The following PIP5K1C variants were observed in gnomAD, a reference collection of about 807,000 sequenced individuals.
PIP5K1C encodes phosphatidylinositol-4-phosphate 5-kinase type 1 gamma, also known as phosphatidylinositol 4-phosphate 5-kinase type-1 gamma.
In PIP5K1C, 45 loss-of-function variants were observed where a neutral mutation model predicts 80.1. That is an observed-to-expected ratio of 0.56 (90% CI 0.44 to 0.72). The LOEUF (loss-of-function observed/expected upper bound fraction) is 0.72, where lower values mean the gene tolerates loss of function less well. Among genes scored for constraint, PIP5K1C ranks in the 30% least tolerant of loss-of-function variants. The probability of loss-of-function intolerance (pLI) is 0.00; values close to 1 mark genes in which losing one functional copy is unlikely to be tolerated. For missense variants in PIP5K1C, 753 were observed against 954.6 expected (o/e 0.79, Z 2.78); for synonymous variants, 498 against 420.1 (o/e 1.19, Z -2.27).
chr19:3,673,583 G>A (rs181382710), intron 1 of PIP5K1C, among the ~76,000 whole-genome samples: 5 of 152,352 alleles, frequency 3.3e-5, no homozygotes, highest in Non-Finnish European at 5.9e-5. Flanking sequence ...CCCCAGGACA[G>A]GTGCAGGCTC....
intron 1 of PIP5K1C, among the ~76,000 whole-genome samples, chr19:3,695,031 C>T (rs1435334209): frequency 3.9e-5 from 6 of 152,266 alleles, no homozygotes; most frequent in East Asian, 1.9e-4. Flanking sequence ...ATGGTGTGGC[C>T]GTTGCCAATA....
At chr19:3,643,836 A>C (rs1393549498) in intron 12 of PIP5K1C, among the ~76,000 whole-genome samples, 2 of 152,038 alleles carry the variant, frequency 1.3e-5, no homozygotes, top group African/African-American at 4.8e-5. Context: ...GGTGCACCTC[A>C]GATGACAGTG....
intron 5 of PIP5K1C, among the ~76,000 whole-genome samples, chr19:3,660,474 G>T (rs1221328659): frequency 6.6e-6 from 1 of 152,116 alleles, no homozygotes; most frequent in African/African-American, 2.4e-5. Flanking sequence ...CCCGGATAAT[G>T]GGCTGCTAGG....
At position 3,637,802 on chromosome 19, in the gene PIP5K1C, C is replaced by G; in HGVS notation, c.1920+1082G>C. On this transcript the variant is annotated intron_variant, in intron 16 of 17. Transcript: ENST00000335312. The surrounding 1 kb of genome is among the most constrained non-coding windows in gnomAD (Gnocchi z 7.0). Reference sequence around the variant, plus strand: ...AGGACCGAGGACCCTTCTCCCTTCTCTGCTGCCCACCTGGCAGGGCATCAG... The same window carrying G: ...AGGACCGAGGACCCTTCTCCCTTCTGTGCTGCCCACCTGGCAGGGCATCAG... The G allele has an allele frequency of 6.5e-7, 1 of 1,534,850 alleles. No homozygotes were observed. Among genetic ancestry groups the G allele is most frequent in the Non-Finnish European group, 8.7e-7 (1 of 1,146,656 alleles).
intron 5 of PIP5K1C, among the ~76,000 whole-genome samples, chr19:3,660,466 C>T (rs528626881): frequency 2.6e-4 from 39 of 152,150 alleles, no homozygotes; most frequent in African/African-American, 9.2e-4. Flanking sequence ...TTTAGGAGCC[C>T]GGATAATGGG....
chr19:3,667,495 T>A, intron 1 of PIP5K1C, 142 bp from the exon 2 acceptor site: 1 of 898,246 alleles, frequency 1.1e-6, no homozygotes, highest in Non-Finnish European at 1.8e-6. Context: ...TACACACAAG[T>A]GAAGACATGG....
chr19:3,651,531 C>T (rs952336635), intron 8 of PIP5K1C, among the ~76,000 whole-genome samples: 6 of 152,226 alleles, frequency 3.9e-5, no homozygotes, highest in Non-Finnish European at 5.9e-5. Flanking sequence ...CACCGGGAAA[C>T]GCTATCTCTC....
intron 16 of PIP5K1C, among the ~76,000 whole-genome samples, chr19:3,633,743 C>CG (rs902696202): frequency 6.6e-6 from 1 of 152,108 alleles, no homozygotes. Context: ...CGGGGCACGG[C>CG]GGGCGGCAGA....
chr19:3,675,707 C>A (rs988995197), intron 1 of PIP5K1C, among the ~76,000 whole-genome samples: 18 of 152,176 alleles, frequency 1.2e-4, no homozygotes, highest in African/African-American at 4.1e-4. Flanking sequence ...AGGCACCCCC[C>A]AAAGCCCATG....
rs767993210 is a variant in PIP5K1C at position 3,648,007 on chromosome 19, C to T, written c.1211+618G>A. ...CGAGCCCCAAAGTGAGGCCTCAAAC[C>T]CACTCCTTGGATTTTCTTTTTTCTT... On this transcript the variant is annotated intron_variant, in intron 9 of 17. Transcript: ENST00000335312. This position sits in a 1 kb window ranked among gnomAD's most constrained non-coding sequence, Gnocchi z 4.3. Among the ~76,000 whole-genome samples, 1 of 145,974 alleles carries T rather than the reference C, an allele frequency of 6.9e-6. No individual in the cohort carries two copies.
At chr19:3,687,535 A>G (rs528630614) in intron 1 of PIP5K1C, among the ~76,000 whole-genome samples, 86 of 126,960 alleles carry the variant, frequency 6.8e-4, no homozygotes, top group African/African-American at 2.6e-3. Context: ...GCACACGCAC[A>G]CACATACATG....
At chr19:3,671,685 G>A (rs909625302) in intron 1 of PIP5K1C, among the ~76,000 whole-genome samples, 7 of 152,196 alleles carry the variant, frequency 4.6e-5, no homozygotes, top group African/African-American at 1.4e-4. Context: ...GACCAGAGCC[G>A]AGTGTCCTGT....
At chr19:3,636,711 G>A (rs1054244274) in intron 16 of PIP5K1C, 6 of 986,294 alleles carry the variant, frequency 6.1e-6, no homozygotes, top group African/African-American at 1.7e-5. Context: ...CACAGTGCCT[G>A]GCACACAGAG....
chr19:3,658,366 G>A (rs1216361468), intron 5 of PIP5K1C, among the ~76,000 whole-genome samples: 3 of 152,224 alleles, frequency 2.0e-5, no homozygotes, highest in African/African-American at 7.2e-5. Flanking sequence ...AGGCTGGAGG[G>A]AGATCTGTCC....
intron 1 of PIP5K1C, among the ~76,000 whole-genome samples, chr19:3,672,414 G>A (rs1002664362): frequency 3.3e-5 from 5 of 152,236 alleles, no homozygotes; most frequent in African/African-American, 7.2e-5. Flanking sequence ...CCCTCAGGAC[G>A]GGGCCTGCCC....
rs1399041903 is a variant in PIP5K1C, at chr19:3,644,103, G to T, written c.1494C>A (p.Pro498=). 6.2e-7 allele frequency: 1 copy of T among 1,611,364 alleles called. No individual in the cohort carries two copies. Among genetic ancestry groups the T allele is most frequent in the Non-Finnish European group, 8.5e-7 (1 of 1,179,830 alleles). Residue 498 remains proline, a synonymous_variant, in exon 12 of 18, where the codon CCC becomes CCA. Coordinates refer to ENST00000335312, the MANE Select transcript of PIP5K1C (RefSeq NM_012398.3). Reference sequence around the variant, plus strand: ...GCCCCTCACCTTCGTCCTCCAGCGTGGGGTAGCTGCGGGCCCCCCGCAGGT... The same window carrying T: ...GCCCCTCACCTTCGTCCTCCAGCGTTGGGTAGCTGCGGGCCCCCCGCAGGT... ...QYDLRGARSY[P]TLEDEGRPDL...
intron 1 of PIP5K1C, among the ~76,000 whole-genome samples, chr19:3,691,333 T>C (rs1391282407): frequency 1.3e-5 from 2 of 152,162 alleles, no homozygotes; most frequent in African/African-American, 2.4e-5. Flanking sequence ...CTTGGGGGCC[T>C]CGCTAATCTG....
At chr19:3,661,765 G>T (rs2034839556) in intron 4 of PIP5K1C, 106 bp downstream of exon 4, 2 of 1,389,260 alleles carry the variant, frequency 1.4e-6, no homozygotes, top group Non-Finnish European at 2.0e-6. Context: ...GCGCCAGGAG[G>T]GGCCAGGTGC....
rs2034964023 is a variant in PIP5K1C, at chr19:3,665,020, G to C, written c.127-106C>G. 6 of 889,894 alleles carry C rather than the reference G, an allele frequency of 6.7e-6. No homozygotes were observed. In the South Asian group the frequency reaches 8.2e-5, roughly 12 times the overall value. 55.1% of individuals were successfully genotyped at this position (889,894 alleles called of 1,614,324 possible). ...AAAGGTTTAGTCGTTGGGCCCAGCAGGGGTGCACAGGGCAGGGGGCAGGTC... is the reference window on the plus strand; with the variant it reads ...AAAGGTTTAGTCGTTGGGCCCAGCACGGGTGCACAGGGCAGGGGGCAGGTC... On this transcript the variant is annotated intron_variant, in intron 2 of 17. Coordinates refer to ENST00000335312, the MANE Select transcript of PIP5K1C (RefSeq NM_012398.3).
Sources: gnomAD v4.1 joint callset for allele counts (sites outside exome capture counted in the v4.1 genomes callset) on GRCh38, gnomAD v4.1.1 for gene constraint, Gnocchi (gnomAD v3.1) non-coding constraint, MANE v1.5 for transcripts, NCBI Gene and HGNC (gene_info 2026-07-23, HGNC 2026-07-21) for gene names.